Variants in MGA observed in about 807,000 individuals in gnomAD.
MGA encodes the protein MAX dimerization protein MGA, also known as MAX gene-associated protein.
A neutral mutation model predicts 261.1 loss-of-function variants in MGA; 40 were observed. That is an observed-to-expected ratio of 0.15 (90% confidence interval 0.12 to 0.20). The LOEUF (loss-of-function observed/expected upper bound fraction) is 0.20. Ranked by LOEUF, MGA falls within the 10% of genes least tolerant of loss-of-function variation. MGA has a pLI of 1.00. For synonymous variants in MGA, 1,302 were observed against 1,290.6 expected, an observed-to-expected ratio of 1.01 and a Z score of -0.19; for missense variants, 3,397 against 3,630.5, an observed-to-expected ratio of 0.94 and a Z score of 1.65.
At chr15:41,686,194 C>T (rs2058957040) in intron 2 of MGA, among the ~76,000 whole-genome samples, 1 of 151,844 alleles carries the variant, frequency 6.6e-6, no homozygotes, top group East Asian at 1.9e-4. Flanking sequence ...TATTGCATTG[C>T]TTGGACTCCC....
Position 41,719,399 on chromosome 15 carries a change from A to G in MGA, c.3430+5903A>G, listed in dbSNP as rs114544522. On this transcript the variant is annotated intron_variant, in intron 9 of 23. Transcript: ENST00000219905. The stretch of plus-strand genomic sequence containing the variant: ...GGATAGAAATTGGCAAGTTTCTAAA[A>G]TTTTTATGAAAAACAGAGGACTTAG... Among the ~76,000 whole-genome samples the G allele has an allele frequency of 8.7e-3, 1,330 of 152,278 alleles. 18 individuals carry two copies. The highest frequency in any genetic ancestry group is 0.031 in the African/African-American group (1,283 of 41,540).
At position 41,700,134 on chromosome 15, in the gene MGA, T is replaced by A. The variant is rs1052763989; in HGVS notation, c.2188+975T>A. Reference sequence around the variant, plus strand: ...ATCTCAGCTCACTGCAAGCTCTGCCTCCTGGGTTCACACCACTCTCCTGCC... The same window carrying A: ...ATCTCAGCTCACTGCAAGCTCTGCCACCTGGGTTCACACCACTCTCCTGCC... On this transcript the variant is annotated intron_variant, in intron 5 of 23. Coordinates refer to ENST00000219905, the MANE Select transcript of MGA (RefSeq NM_001164273.2). Among the ~76,000 whole-genome samples, 3 of 144,994 alleles carry A rather than the reference T, an allele frequency of 2.1e-5. No homozygotes were observed. In the Admixed American group the frequency reaches 2.1e-4, roughly 10 times the overall value.
chr15:41,702,277 C>A (rs775469922), intron 5 of MGA, among the ~76,000 whole-genome samples: 9 of 150,340 alleles, frequency 6.0e-5, no homozygotes, highest in African/African-American at 2.2e-4. Flanking sequence ...GAGCCGAGAT[C>A]GCGCCACCAC....
intron 2 of MGA, among the ~76,000 whole-genome samples, chr15:41,681,607 C>T (rs950673375): frequency 2.6e-5 from 4 of 151,858 alleles, no homozygotes; most frequent in Non-Finnish European, 2.9e-5. Flanking sequence ...TGTGCCTCCT[C>T]GCTTGGTTAA....
At position 41,766,404 on chromosome 15, in the gene MGA, A is replaced by G. The variant is rs368099512; in HGVS notation, c.8322A>G (p.Ser2774=). 11 of 1,613,776 alleles carry G rather than the reference A, an allele frequency of 6.8e-6. No homozygotes were observed. The highest frequency in any genetic ancestry group is 9.3e-6 in the Non-Finnish European group (11 of 1,179,802). Residue 2774 remains serine (S), a synonymous_variant, in exon 24 of 24, where the codon TCA becomes TCG. Transcript: ENST00000219905. ...AGAGAGTGAAGTCAAAGGATTCTTC[A>G]TTTCATAAATTAAAGATGAAAGATC... is the stretch of plus-strand genomic sequence containing the variant.
chr15:41,671,226 TGGG>T (rs942343206), intron 2 of MGA, among the ~76,000 whole-genome samples: 1 of 152,152 alleles, frequency 6.6e-6, no homozygotes, highest in Non-Finnish European at 1.5e-5. Flanking sequence ...TGGGATGAGA[TGGG>T]GGGGAGGATT....
chr15:41,650,494 G>A (rs2057020463), intron 1 of MGA, among the ~76,000 whole-genome samples: 1 of 152,060 alleles, frequency 6.6e-6, no homozygotes, highest in Non-Finnish European at 1.5e-5. Flanking sequence ...CTGGAGTGCA[G>A]TGGTGTGATC....
In MGA at chr15:41,668,814, TGC is replaced by T; in HGVS notation, c.-67-13_-67-12del. 2 of 1,106,474 alleles carry T rather than the reference TGC, an allele frequency of 1.8e-6. No individual in the cohort carries two copies. The highest frequency in any genetic ancestry group is 2.5e-6 in the Non-Finnish European group (2 of 797,736). 68.5% of individuals were successfully genotyped at this position (1,106,474 alleles called of 1,614,324 possible). On this transcript the variant is annotated splice_polypyrimidine_tract_variant and intron_variant, in intron 1 of 23. Coordinates refer to ENST00000219905, the MANE Select transcript of MGA (RefSeq NM_001164273.2). ...GTGTTTTTTGTTTTTGGTTTTTTTT[TGC>T]TTGTTTCTTAGGATGGGAAGGCCAT...
At chr15:41,622,082 C>G (rs963564216) in intron 1 of MGA, among the ~76,000 whole-genome samples, 5 of 152,096 alleles carry the variant, frequency 3.3e-5, no homozygotes, top group Non-Finnish European at 7.4e-5. Flanking sequence ...TCGACTGCGC[C>G]GGCCTGTGGT....
At chr15:41,658,832 TAGAG>T (rs995122577), upstream of MGA, among the ~76,000 whole-genome samples, 17 of 152,088 alleles carry the variant, frequency 1.1e-4, no homozygotes, top group Admixed American at 2.0e-4. Flanking sequence ...ATCCCCCAGT[TAGAG>T]AGATCATTTG....
intron 17 of MGA, among the ~76,000 whole-genome samples, chr15:41,753,972 G>A (rs569676038): frequency 2.2e-4 from 34 of 152,020 alleles, no homozygotes; most frequent in Admixed American, 7.2e-4. Context: ...AGGCTGGTGT[G>A]CAGTGGTGCA....
rs1425708079 is a variant in MGA at position 41,750,221 on chromosome 15, C to T, written c.6614C>T (p.Thr2205Ile). 1 of 1,613,896 alleles carries T rather than the reference C, an allele frequency of 6.2e-7. No homozygotes were observed. The highest frequency in any genetic ancestry group is 8.5e-7 in the Non-Finnish European group (1 of 1,179,878). Reference sequence around the variant, plus strand: ...GCAGACGAGCAGTTAATTAAAGAAACAAAGACATGTCAGGAAAATTCAGAT... The same window carrying T: ...GCAGACGAGCAGTTAATTAAAGAAATAAAGACATGTCAGGAAAATTCAGAT... The change falls in exon 17 of 24, where the codon ACA (threonine) becomes ATA (isoleucine). Residue 2205 changes from threonine to isoleucine, a missense_variant. Physicochemically the swap from Thr to Ile is moderately conservative, Grantham distance 89. Transcript: ENST00000219905.
At chr15:41,730,221 C>T (rs1232383308) in intron 11 of MGA, among the ~76,000 whole-genome samples, 3 of 152,148 alleles carry the variant, frequency 2.0e-5, no homozygotes, top group East Asian at 2.0e-4. Context: ...TTTGGGAGGC[C>T]GAGGTGGGCT....
intron 7 of MGA, among the ~76,000 whole-genome samples, chr15:41,709,789 T>TC (rs992042090): frequency 7.4e-6 from 1 of 135,566 alleles, no homozygotes; most frequent in African/African-American, 3.0e-5. Context: ...TTAATTTCTT[T>TC]TTTTTTTTTT....
chr15:41,710,509 G>C (rs139811643), intron 7 of MGA, among the ~76,000 whole-genome samples, 182 bp from the exon 8 acceptor site: 2 of 152,088 alleles, frequency 1.3e-5, no homozygotes, highest in Non-Finnish European at 2.9e-5. Context: ...TGTAGCGATC[G>C]TTTTGCTTCT....
intron 18 of MGA, among the ~76,000 whole-genome samples, chr15:41,755,393 GC>G (rs2077666187): frequency 6.6e-6 from 1 of 152,164 alleles, no homozygotes; most frequent in Admixed American, 6.5e-5. Context: ...TTACCTACTG[GC>G]TAAACTTGAA....
intron 1 of MGA, among the ~76,000 whole-genome samples, chr15:41,644,346 C>CAAAA (rs34743222): frequency 5.5e-4 from 36 of 65,652 alleles, no homozygotes; most frequent in South Asian, 2.8e-3. Flanking sequence ...CCATCTGTAC[C>CAAAA]AAAAAAAAAA....
At chr15:41,681,553 T>C (rs1324619904) in intron 2 of MGA, among the ~76,000 whole-genome samples, 1 of 152,040 alleles carries the variant, frequency 6.6e-6, no homozygotes, top group Non-Finnish European at 1.5e-5. Context: ...CAGGCTCAAG[T>C]GATCCTCCCA....
chr15:41,728,513 G>A (rs1266210016), intron 10 of MGA, among the ~76,000 whole-genome samples: 1 of 152,116 alleles, frequency 6.6e-6, no homozygotes, highest in Non-Finnish European at 1.5e-5. Flanking sequence ...AGTATATACT[G>A]TATTCTTACA....
Sources: allele counts gnomAD v4.1 joint callset (sites outside exome capture counted in the v4.1 genomes callset), GRCh38; gene constraint gnomAD v4.1.1; transcripts MANE v1.5; gene names NCBI Gene and HGNC (gene_info 2026-07-23, HGNC 2026-07-21).